Variants in CYP3A7 observed in about 807,000 individuals in gnomAD.
CYP3A7 encodes the protein cytochrome P450 family 3 subfamily A member 7, also known as cytochrome P450 3A7.
A neutral mutation model predicts 55.2 loss-of-function variants in CYP3A7; 45 were observed. That is an observed-to-expected ratio of 0.82 (90% CI 0.64 to 1.05). The LOEUF (loss-of-function observed/expected upper bound fraction) is 1.05. Among genes scored for constraint, CYP3A7 ranks in the 50% least tolerant of loss-of-function variants. The pLI is 0.00. For synonymous variants in CYP3A7, 180 were observed against 207.4 expected, an observed-to-expected ratio of 0.87 and a Z score of 1.13; for missense variants, 548 against 605.3, an observed-to-expected ratio of 0.91 and a Z score of 0.99.
At chr7:99,720,227 G>T (rs1814143181) in intron 4 of CYP3A7, 86 bp downstream of exon 4, 4 of 1,530,500 alleles carry the variant, frequency 2.6e-6, no homozygotes, top group Non-Finnish European at 3.6e-6. Flanking sequence ...ACAGTTTTTA[G>T]GCAACTGTCT....
intron 2 of CYP3A7, among the ~76,000 whole-genome samples, chr7:99,726,273 G>A (rs896112961): frequency 2.6e-5 from 4 of 152,130 alleles, no homozygotes; most frequent in Non-Finnish European, 5.9e-5. Flanking sequence ...TCCCACAAGA[G>A]GCTTTAAGGA....
At position 99,705,489 on chromosome 7, in the gene CYP3A7, C is replaced by A; in HGVS notation, c.*11G>T. 1 of 1,613,024 alleles carries A rather than the reference C, an allele frequency of 6.2e-7. No homozygotes were observed. The highest frequency in any genetic ancestry group is 1.1e-5 in the South Asian group (1 of 91,058). ...CTTTCTTAAAGAGCAAACCAGAAGTCCTTAGGGAAATCAGGCTCCACTTAC... is the reference window on the plus strand; with the variant it reads ...CTTTCTTAAAGAGCAAACCAGAAGTACTTAGGGAAATCAGGCTCCACTTAC... On this transcript the variant is annotated 3_prime_UTR_variant, in exon 13 of 13. Transcript: ENST00000336374.
intron 2 of CYP3A7, 86 bp downstream of exon 2, chr7:99,730,973 C>T (rs1814590869): frequency 2.6e-6 from 4 of 1,542,352 alleles, no homozygotes; most frequent in Non-Finnish European, 3.6e-6. Context: ...TCAGACCTTC[C>T]TCTTGAGGAG....
At chr7:99,713,617 C>T in intron 8 of CYP3A7, 82 bp from the exon 9 acceptor site, 1 of 1,593,072 alleles carries the variant, frequency 6.3e-7, no homozygotes, top group East Asian at 2.3e-5. Context: ...CCTCAACCTC[C>T]CTTCTGAGAA....
intron 3 of CYP3A7, among the ~76,000 whole-genome samples, chr7:99,721,521 G>GA (rs1463402674): frequency 2.0e-5 from 3 of 152,132 alleles, no homozygotes; most frequent in Non-Finnish European, 4.4e-5. Flanking sequence ...ATCAAGGGAA[G>GA]AAAAAAAGAA....
intron 12 of CYP3A7, among the ~76,000 whole-genome samples, chr7:99,705,858 G>A (rs147761553): frequency 1.5e-4 from 23 of 152,246 alleles, no homozygotes; most frequent in African/African-American, 4.3e-4. Context: ...CAAATTCATG[G>A]GAACCCGTGT....
intron 9 of CYP3A7, 136 bp from the exon 10 acceptor site, chr7:99,711,028 G>A (rs1228664937): frequency 3.5e-6 from 5 of 1,441,748 alleles, no homozygotes; most frequent in Admixed American, 4.0e-5. Flanking sequence ...CTCACTGGGG[G>A]TGGTTTCACT....
chr7:99,713,241 C>T (rs1267536560), intron 9 of CYP3A7, among the ~76,000 whole-genome samples: 1 of 152,170 alleles, frequency 6.6e-6, no homozygotes, highest in Non-Finnish European at 1.5e-5. Flanking sequence ...CTGACTCTTC[C>T]TGGCATGCCA....
intron 2 of CYP3A7, among the ~76,000 whole-genome samples, chr7:99,728,153 G>A (rs866904365): frequency 6.6e-6 from 1 of 152,160 alleles, no homozygotes; most frequent in Admixed American, 6.5e-5. Flanking sequence ...CAAGGAAGAT[G>A]GTTCTTAGAC....
At chr7:99,732,069 A>G (rs1321123779) in intron 1 of CYP3A7, among the ~76,000 whole-genome samples, 5 of 152,106 alleles carry the variant, frequency 3.3e-5, no homozygotes, top group African/African-American at 4.8e-5. Flanking sequence ...GTAATCCCCA[A>G]TTCTGGAAGT....
rs1313340520 is a variant in CYP3A7, at chr7:99,717,231, A to T, written c.467T>A (p.Leu156Ter). ...VPIIAQYGDV[L>*]VRNLRREAET... ...TGCTTCCCGCCTCAGATTTCTCACC[A>T]ACACATCTCCATACTGGGCAATGAT... Residue 156 changes from leucine to a stop codon, truncating the protein, a stop_gained, in exon 6 of 13, where the codon TTG becomes TAG. Transcript: ENST00000336374. LOFTEE classifies it high-confidence loss of function. 3.7e-6 allele frequency: 6 copies of T among 1,613,806 alleles called. No individual in the cohort carries two copies. Among genetic ancestry groups the T allele is most frequent in the African/African-American group, 1.3e-5 (1 of 74,900 alleles).
In CYP3A7 at chr7:99,714,668, G is replaced by C; in HGVS notation, c.685C>G (p.Leu229Val). ...TTTAATGCTTCAAGAATTGGGGTAAGGAATGGAAAGACTTCTGTAGAAAAA... is the reference window on the plus strand; with the variant it reads ...TTTAATGCTTCAAGAATTGGGGTAACGAATGGAAAGACTTCTGTAGAAAAA... The part of the protein sequence containing the change: ...FVLSIKVFPF[L>V]TPILEALNIT... The change falls in exon 8 of 13, where the codon CTT becomes GTT. Residue 229 changes from leucine (L) to valine (V), a missense_variant. Coordinates refer to ENST00000336374, the MANE Select transcript of CYP3A7 (RefSeq NM_000765.5). The C allele has an allele frequency of 1.2e-6, 2 of 1,612,202 alleles. No homozygotes were observed. The highest frequency in any genetic ancestry group is 2.2e-5 in the East Asian group (1 of 44,800).
chr7:99,707,500 A>C (rs1475578879), intron 12 of CYP3A7, among the ~76,000 whole-genome samples: 5 of 152,208 alleles, frequency 3.3e-5, no homozygotes, highest in African/African-American at 1.2e-4. Flanking sequence ...AGTGCACCTC[A>C]TGATTGTGCA....
At chr7:99,711,025 G>C (rs1281488581) in intron 9 of CYP3A7, 133 bp from the exon 10 acceptor site, 10 of 1,468,014 alleles carry the variant, frequency 6.8e-6, no homozygotes, top group Non-Finnish European at 9.2e-6. Context: ...AGTCTCACTG[G>C]GGGTGGTTTC....
chr7:99,722,725 C>T (rs45571732), intron 2 of CYP3A7, among the ~76,000 whole-genome samples: 2,572 of 152,204 alleles, frequency 0.017, 66 homozygotes, highest in African/African-American at 0.057. Context: ...TGTGAGTGAG[C>T]GCCAGAAGGG....
chr7:99,731,887 A>G (rs1252433373), intron 1 of CYP3A7, among the ~76,000 whole-genome samples: 1 of 152,128 alleles, frequency 6.6e-6, no homozygotes, highest in Non-Finnish European at 1.5e-5. Flanking sequence ...ATTGGGGAGG[A>G]TGATTGACTC....
intron 2 of CYP3A7, 148 bp downstream of exon 2, chr7:99,730,911 C>G (rs1814587615): frequency 9.2e-7 from 1 of 1,081,714 alleles, no homozygotes; most frequent in African/African-American, 1.6e-5. Context: ...CCAGGGTAAA[C>G]TTTGCCACGC....
intron 2 of CYP3A7, among the ~76,000 whole-genome samples, chr7:99,723,439 C>T (rs1584518961): frequency 6.6e-6 from 1 of 152,204 alleles, no homozygotes; most frequent in Admixed American, 6.5e-5. Context: ...TTACCCCAGT[C>T]CTATAAAACT....
chr7:99,720,560 T>G (rs1814161153), intron 3 of CYP3A7, 148 bp from the exon 4 acceptor site: 1 of 853,226 alleles, frequency 1.2e-6, no homozygotes, highest in Admixed American at 2.3e-5. Flanking sequence ...TCATTAGGTA[T>G]AACTCACAGC....
Sources: gnomAD v4.1 joint callset for allele counts (sites outside exome capture counted in the v4.1 genomes callset) on GRCh38, gnomAD v4.1.1 for gene constraint, MANE v1.5 for transcripts, NCBI Gene and HGNC (gene_info 2026-07-23, HGNC 2026-07-21) for gene names.